NLRP14: variants seen among roughly 807,000 people sequenced by gnomAD.
The protein encoded by NLRP14 is NACHT, LRR and PYD domains-containing protein 14.
A neutral mutation model predicts 94.7 loss-of-function variants in NLRP14; 105 were observed. The ratio of observed to expected loss-of-function variants is 1.11; its 90% CI spans 0.95 to 1.30. NLRP14 has a LOEUF of 1.30. NLRP14 is among the 50% of genes most tolerant of loss of function. The pLI, the probability that NLRP14 is intolerant of heterozygous loss-of-function variation, is 0.00. For synonymous variants in NLRP14, 508 were observed against 459.9 expected (o/e 1.10, Z -1.34); for missense variants, 1,362 against 1,254.1 (o/e 1.09, Z -1.30).
rs1175051363 is a variant in NLRP14, at chr11:7,038,563, C to T, written c.-21-3C>T. 2 of 1,611,672 alleles carry T rather than the reference C, an allele frequency of 1.2e-6. No homozygotes were observed. The highest frequency in any genetic ancestry group is 1.3e-5 in the African/African-American group (1 of 74,968). On this transcript the variant is annotated splice_region_variant and splice_polypyrimidine_tract_variant and intron_variant, in intron 1 of 11. Coordinates refer to ENST00000299481, the MANE Select transcript of NLRP14 (RefSeq NM_176822.4). ...CTTTTGGTTATTTTTTTTCCCCCCA[C>T]AGAGGCCTGAATATTTGGACAAGAT... is the stretch of plus-strand genomic sequence containing the variant.
At chr11:7,078,505 G>C in the NLRP14 span, among the ~76,000 whole-genome samples, 1 of 124,582 alleles carries the variant, frequency 8.0e-6, no homozygotes, top group Non-Finnish European at 1.7e-5. Flanking sequence ...AAAGAAATTA[G>C]AGGGCTGGGC....
Position 7,043,190 on chromosome 11 carries a change from T to G in NLRP14, c.1164T>G (p.Asp388Glu). Residue 388 changes from aspartate (D) to glutamate (E), a missense_variant, in exon 4 of 12, where the codon GAT (aspartate) becomes GAG (glutamate). By Grantham distance (45) the Asp-to-Glu change is conservative. Transcript: ENST00000299481. The stretch of plus-strand genomic sequence containing the variant: ...AGCAGCAAATGGAGAAGGGTGGTGA[T>G]GTCACATTGACCTGCCAAACAACCA... ...CLKQQMEKGG[D>E]VTLTCQTTTA... The G allele has an allele frequency of 6.2e-7, 1 of 1,614,174 alleles. No individual in the cohort carries two copies. The highest frequency in any genetic ancestry group is 1.1e-5 in the South Asian group (1 of 91,084).
chr11:7,039,854 TCC>T (rs2119604241), intron 3 of NLRP14, 69 bp downstream of exon 3: 1 of 1,181,474 alleles, frequency 8.5e-7, no homozygotes, highest in East Asian at 2.3e-5. Context: ...GTGATTTATC[TCC>T]CGAGGACTTT....
At chr11:7,057,966 G>A in intron 7 of NLRP14, 119 bp downstream of exon 7, 13 of 832,810 alleles carry the variant, frequency 1.6e-5, no homozygotes, top group Middle Eastern at 2.6e-4. Context: ...TGTCAATTCT[G>A]AATAAGCTCT....
chr11:7,039,977 T>G (rs1258948098), intron 3 of NLRP14, among the ~76,000 whole-genome samples, 192 bp downstream of exon 3: 1 of 152,196 alleles, frequency 6.6e-6, no homozygotes, highest in East Asian at 1.9e-4. Flanking sequence ...CCTTGTTAAT[T>G]CAGATCCTCA....
chr11:7,026,194 A>G (rs1852011790), intron 1 of NLRP14, among the ~76,000 whole-genome samples: 1 of 152,218 alleles, frequency 6.6e-6, no homozygotes, highest in Admixed American at 6.5e-5. Context: ...ACAGCAAAAG[A>G]AACTACCATC....
At chr11:7,066,504 C>A (rs1356109967) in intron 10 of NLRP14, among the ~76,000 whole-genome samples, 3 of 152,144 alleles carry the variant, frequency 2.0e-5, no homozygotes, top group Non-Finnish European at 2.9e-5. Flanking sequence ...ACATAAATGT[C>A]TTCTTTTGAG....
At chr11:7,075,195 CCATT>C (rs1440237233), downstream of NLRP14, among the ~76,000 whole-genome samples, 4 of 152,128 alleles carry the variant, frequency 2.6e-5, no homozygotes, top group Non-Finnish European at 5.9e-5. Flanking sequence ...AACTGGGGAT[CCATT>C]CAGTCAGTTG....
chr11:7,050,428 T>C (rs1852425344), intron 6 of NLRP14, among the ~76,000 whole-genome samples: 1 of 151,996 alleles, frequency 6.6e-6, no homozygotes, highest in South Asian at 2.1e-4. Context: ...GCAGTCATAC[T>C]GTTCTCCACA....
At chr11:7,064,182 G>T (rs545054254) in intron 10 of NLRP14, among the ~76,000 whole-genome samples, 1 of 152,262 alleles carries the variant, frequency 6.6e-6, no homozygotes, top group African/African-American at 2.4e-5. Context: ...GAAGCTTGCA[G>T]ATTTGTATCG....
the NLRP14 span, among the ~76,000 whole-genome samples, chr11:7,087,219 C>T: frequency 6.6e-6 from 1 of 152,228 alleles, no homozygotes; most frequent in Admixed American, 6.5e-5. Flanking sequence ...CCTGTAAGCC[C>T]CCCACTTCAA....
chr11:7,043,786 A>T lies in NLRP14; in HGVS notation c.1760A>T (p.Tyr587Phe), dbSNP rs774751939. The change falls in exon 4 of 12, where the codon TAT becomes TTT. Residue 587 changes from tyrosine (Y) to phenylalanine (F), a missense_variant. Transcript: ENST00000299481. ...LGFLELFHCLYETQDKAFISQ... is the reference protein window; with the variant it reads ...LGFLELFHCLFETQDKAFISQ... ...TTTCTGGAGTTGTTTCACTGTCTGTATGAGACTCAAGATAAAGCGTTTATA... is the reference window on the plus strand; with the variant it reads ...TTTCTGGAGTTGTTTCACTGTCTGTTTGAGACTCAAGATAAAGCGTTTATA... 6.2e-7 allele frequency: 1 copy of T among 1,614,150 alleles called. No homozygotes were observed. Among genetic ancestry groups the T allele is most frequent in the Non-Finnish European group, 8.5e-7 (1 of 1,179,980 alleles).
At chr11:7,064,106 T>C (rs766768970) in intron 10 of NLRP14, among the ~76,000 whole-genome samples, 1 of 152,140 alleles carries the variant, frequency 6.6e-6, no homozygotes, top group African/African-American at 2.4e-5. Context: ...GTAAGCAGTC[T>C]CACTGGTAGT....
At chr11:7,049,604 G>A in intron 5 of NLRP14, 67 bp from the exon 6 acceptor site, 1 of 1,104,320 alleles carries the variant, frequency 9.1e-7, no homozygotes, top group Non-Finnish European at 1.4e-6. Flanking sequence ...AGATTGAAAA[G>A]AAAGGGATCC....
At chr11:7,032,442 A>T (rs1852111782) in intron 1 of NLRP14, among the ~76,000 whole-genome samples, 1 of 151,492 alleles carries the variant, frequency 6.6e-6, no homozygotes, top group Non-Finnish European at 1.5e-5. Context: ...TGTATTTAGG[A>T]TTTTTTTTTC....
At position 7,042,395 on chromosome 11, in the gene NLRP14, A is replaced by T. The variant is rs750866758; in HGVS notation, c.369A>T (p.Gly123=). The T allele has an allele frequency of 4.3e-6, 7 of 1,613,284 alleles. No individual in the cohort carries two copies. Among genetic ancestry groups the T allele is most frequent in the Non-Finnish European group, 5.1e-6 (6 of 1,179,596 alleles). The stretch of plus-strand genomic sequence containing the variant: ...TTTGCCATTCTGACTTAGGTGATGG[A>T]ACAGAATACAGAAATAGAATAAAGG... ...QEDQEAVLGD[G]TEYRNRIKEK... is the part of the protein sequence containing the mutation. The change falls in exon 4 of 12, where the codon GGA becomes GGT. Residue 123 remains glycine, a synonymous_variant. Coordinates refer to ENST00000299481, the MANE Select transcript of NLRP14 (RefSeq NM_176822.4).
At chr11:7,080,605 A>T in the NLRP14 span, among the ~76,000 whole-genome samples, 1 of 152,300 alleles carries the variant, frequency 6.6e-6, no homozygotes, top group African/African-American at 2.4e-5. Flanking sequence ...CCCTAGCCAG[A>T]GCTATGGTCA....
At chr11:7,080,840 G>A in the NLRP14 span, among the ~76,000 whole-genome samples, 1 of 152,314 alleles carries the variant, frequency 6.6e-6, no homozygotes, top group South Asian at 2.1e-4. Flanking sequence ...CATGAGAGGT[G>A]CTCCTGGCCG....
chr11:7,089,042 G>A, the NLRP14 span: 1 of 1,516,544 alleles, frequency 6.6e-7, no homozygotes, highest in South Asian at 1.2e-5. Context: ...AGCCGCCCTC[G>A]ACGAGCGAGC....
Sources: gnomAD v4.1 joint callset for allele counts (sites outside exome capture counted in the v4.1 genomes callset) on GRCh38, gnomAD v4.1.1 for gene constraint, MANE v1.5 for transcripts, NCBI Gene and HGNC (gene_info 2026-07-23, HGNC 2026-07-21) for gene names.